The following NAE1 variants were observed in gnomAD, a reference collection of about 807,000 sequenced individuals.
NAE1 encodes the protein NEDD8 activating enzyme E1 subunit 1.
A neutral mutation model predicts 88.0 loss-of-function variants in NAE1; 59 were observed. The ratio of observed to expected loss-of-function variants is 0.67; its 90% CI spans 0.54 to 0.83. The LOEUF (loss-of-function observed/expected upper bound fraction) is 0.83. Ranked by LOEUF, NAE1 falls within the 40% of genes least tolerant of loss-of-function variation. The pLI, the probability that NAE1 is intolerant of heterozygous loss-of-function variation, is 0.00. For missense variants in NAE1, 554 were observed against 632.8 expected, an observed-to-expected ratio of 0.88 and a Z score of 1.34; for synonymous variants, 186 against 208.9, an observed-to-expected ratio of 0.89 and a Z score of 0.95.
chr16:66,820,556 G>C (rs1960209378), intron 7 of NAE1, among the ~76,000 whole-genome samples: 1 of 152,134 alleles, frequency 6.6e-6, no homozygotes, highest in South Asian at 2.1e-4. Flanking sequence ...TCAGGAGTTC[G>C]AGACCAGCCT....
intron 13 of NAE1, 24 bp downstream of exon 13, chr16:66,813,535 TATTAC>T (rs1224642423): frequency 6.5e-5 from 102 of 1,579,356 alleles, no homozygotes; most frequent in Non-Finnish European, 8.7e-5. Context: ...AGACTTTTTC[TATTAC>T]ATAGTTTGAA....
At chr16:66,825,591 T>C (rs1396350744) in intron 3 of NAE1, among the ~76,000 whole-genome samples, 3 of 152,180 alleles carry the variant, frequency 2.0e-5, no homozygotes, top group African/African-American at 7.2e-5. Context: ...CTAATTTCAC[T>C]ATGGAACCCA....
chr16:66,824,774 T>C, intron 4 of NAE1, 81 bp downstream of exon 4: 1 of 1,288,532 alleles, frequency 7.8e-7, no homozygotes, highest in Non-Finnish European at 1.1e-6. Flanking sequence ...TACACGTTTT[T>C]AAAGTCAAAG....
At chr16:66,804,598 C>T (rs1959487000) in intron 19 of NAE1, among the ~76,000 whole-genome samples, 1 of 152,186 alleles carries the variant, frequency 6.6e-6, no homozygotes, top group African/African-American at 2.4e-5. Flanking sequence ...AAGCTAATAG[C>T]TCAGTCTACA....
In NAE1 at chr16:66,805,974, G is replaced by A. The variant is rs1393763313; in HGVS notation, c.1383C>T (p.Leu461=). Residue 461 remains leucine, a synonymous_variant, in exon 18 of 20, where the codon CTC becomes CTT. Transcript: ENST00000290810. ...AACCATATTCCTGAAGGAAGCCAGT[G>A]AGACAAGACTTCAACTTTCCTATAT... ...EEDIGKLKSC[L]TGFLQEYGLS... is the part of the protein sequence containing the mutation. The A allele has an allele frequency of 6.2e-7, 1 of 1,613,500 alleles. No individual in the cohort carries two copies. Among genetic ancestry groups the A allele is most frequent in the East Asian group, 2.2e-5 (1 of 44,860 alleles).
chr16:66,823,985 C>T (rs999094349), intron 4 of NAE1, among the ~76,000 whole-genome samples: 7 of 152,164 alleles, frequency 4.6e-5, no homozygotes, highest in African/African-American at 7.2e-5. Context: ...AATCCTCCTG[C>T]CTTGACCTCC....
intron 13 of NAE1, among the ~76,000 whole-genome samples, chr16:66,812,256 T>C (rs1339687569): frequency 6.6e-6 from 1 of 152,186 alleles, no homozygotes. Context: ...CTTGTATAAG[T>C]AACCTTTTCA....
chr16:66,805,652 G>GAA (rs1959535002), intron 19 of NAE1, 125 bp downstream of exon 19: 1 of 728,332 alleles, frequency 1.4e-6, no homozygotes, highest in Non-Finnish European at 1.9e-6. Context: ...AAAAAAAAAA[G>GAA]AAAGAAATAT....
chr16:66,818,924 A>G (rs777132250), intron 7 of NAE1, among the ~76,000 whole-genome samples: 4 of 152,164 alleles, frequency 2.6e-5, no homozygotes, highest in African/African-American at 7.2e-5. Flanking sequence ...TCGGCCTCCC[A>G]AAGTCCTTGC....
chr16:66,817,563 T>G, intron 8 of NAE1, 76 bp from the exon 9 acceptor site: 2 of 996,926 alleles, frequency 2.0e-6, no homozygotes, highest in Non-Finnish European at 1.5e-6. Flanking sequence ...TTCAACAAAT[T>G]CAACAATATT....
intron 9 of NAE1, 21 bp from the exon 10 acceptor site, chr16:66,817,049 A>T (rs1406739722): frequency 1.3e-6 from 2 of 1,579,314 alleles, no homozygotes; most frequent in South Asian, 1.2e-5. Flanking sequence ...TAAAAATTTT[A>T]AAAATCTAGT....
At chr16:66,814,521 A>G (rs989239046) in intron 11 of NAE1, among the ~76,000 whole-genome samples, 4 of 149,228 alleles carry the variant, frequency 2.7e-5, no homozygotes, top group Non-Finnish European at 5.9e-5. Context: ...TGAGCCCAGG[A>G]GGTCAAGGCT....
chr16:66,809,006 A>G lies in NAE1; in HGVS notation c.1220T>C (p.Ile407Thr). ...ATACTTACTAATTTCATCCTTGTTA[A>G]TTGTATCCAAACCATATTCTTCAGC... ...SLAEEYGLDT[I>T]NKDEIISSMD... Residue 407 changes from isoleucine (I) to threonine (T), a missense_variant, in exon 16 of 20, where the codon ATT becomes ACT. Coordinates refer to ENST00000290810, the MANE Select transcript of NAE1 (RefSeq NM_003905.4). The G allele has an allele frequency of 6.2e-7, 1 of 1,609,130 alleles. No individual in the cohort carries two copies. Among genetic ancestry groups the G allele is most frequent in the Non-Finnish European group, 8.5e-7 (1 of 1,176,600 alleles).
chr16:66,804,977 C>A (rs544678977), intron 19 of NAE1, among the ~76,000 whole-genome samples: 6 of 152,288 alleles, frequency 3.9e-5, no homozygotes, highest in Admixed American at 2.6e-4. Flanking sequence ...TCTGTTACAG[C>A]AGCCCAAACT....
chr16:66,816,527 A>G (rs1960050779), intron 11 of NAE1, 54 bp downstream of exon 11: 3 of 1,225,782 alleles, frequency 2.4e-6, no homozygotes, highest in Non-Finnish European at 3.6e-6. Flanking sequence ...TTAATAGCCA[A>G]GGACTCTAGA....
chr16:66,819,238 C>T (rs1960161713), intron 7 of NAE1, among the ~76,000 whole-genome samples: 1 of 152,140 alleles, frequency 6.6e-6, no homozygotes, highest in African/African-American at 2.4e-5. Context: ...AACAACCTAT[C>T]CTTCCTCCTC....
intron 1 of NAE1, chr16:66,827,685 A>T (rs1960522023): frequency 2.9e-6 from 1 of 341,610 alleles, no homozygotes; most frequent in Non-Finnish European, 5.3e-6. Context: ...CTGAATTATC[A>T]TCTGAAAAGC....
intron 1 of NAE1, among the ~76,000 whole-genome samples, chr16:66,829,808 T>C (rs1022287670): frequency 6.6e-6 from 1 of 152,234 alleles, no homozygotes; most frequent in African/African-American, 2.4e-5. Flanking sequence ...GCTAGCCACA[T>C]GTACTACTGA....
chr16:66,803,466 A>G (rs1246359860), intron 19 of NAE1, among the ~76,000 whole-genome samples: 1 of 152,210 alleles, frequency 6.6e-6, no homozygotes, highest in Non-Finnish European at 1.5e-5. Context: ...TAATTTAGGA[A>G]GGATCTATAT....
Sources: gnomAD v4.1 joint callset for allele counts (sites outside exome capture counted in the v4.1 genomes callset) on GRCh38, gnomAD v4.1.1 for gene constraint, MANE v1.5 for transcripts, NCBI Gene and HGNC (gene_info 2026-07-23, HGNC 2026-07-21) for gene names.